The following TXNRD1 variants were observed in gnomAD, a reference collection of about 807,000 sequenced individuals.
TXNRD1 encodes the protein thioredoxin reductase 1, cytoplasmic.
A neutral mutation model predicts 80.3 loss-of-function variants in TXNRD1; 57 were observed. The observed-to-expected ratio is 0.71, with a 90% CI of 0.57 to 0.89. TXNRD1 has a LOEUF of 0.89. TXNRD1 is among the 40% of genes least tolerant of loss of function. TXNRD1 has a pLI of 0.00. For missense variants in TXNRD1, 730 were observed against 803.0 expected (o/e 0.91, Z 1.10); for synonymous variants, 291 against 285.2 (o/e 1.02, Z -0.20).
chr12:104,312,861 G>T (rs1160536852), intron 5 of TXNRD1, among the ~76,000 whole-genome samples: 2 of 152,136 alleles, frequency 1.3e-5, no homozygotes, highest in Non-Finnish European at 2.9e-5. Flanking sequence ...GTTGCATTAA[G>T]GGCTGTAGAC....
chr12:104,324,021 T>C (rs976134414), intron 10 of TXNRD1, among the ~76,000 whole-genome samples: 1 of 152,062 alleles, frequency 6.6e-6, no homozygotes, highest in Non-Finnish European at 1.5e-5. Context: ...GAGGGTACAT[T>C]TTGGACAGAG....
At chr12:104,342,225 CTGA>C (rs1439691332) in intron 16 of TXNRD1, among the ~76,000 whole-genome samples, 1 of 152,144 alleles carries the variant, frequency 6.6e-6, no homozygotes, top group Non-Finnish European at 1.5e-5. Flanking sequence ...AATTCTACCT[CTGA>C]TGACATGGTT....
chr12:104,310,096 G>C (rs1361910337), intron 4 of TXNRD1: 2 of 1,518,002 alleles, frequency 1.3e-6, no homozygotes, highest in Non-Finnish European at 1.8e-6. Context: ...TGCAGTTTGG[G>C]CTGGTAAGTT....
At chr12:104,228,927 G>C (rs1374744490) in intron 1 of TXNRD1, among the ~76,000 whole-genome samples, 1 of 151,770 alleles carries the variant, frequency 6.6e-6, no homozygotes, top group African/African-American at 2.4e-5. Flanking sequence ...CACTGTGTTA[G>C]CCAGGCTGGT....
At position 104,289,033 on chromosome 12, in the gene TXNRD1, C is replaced by A. The variant is rs1373949700; in HGVS notation, c.407C>A (p.Thr136Asn). The stretch of plus-strand genomic sequence containing the variant: ...AGAAAGATAGGCGGCCATGGTCCAA[C>A]CTTGAAGGTAGGAGAGAGTAACGTA... ...KQRKIGGHGP[T>N]LKAYQEGRLQ... The change falls in exon 4 of 17, where the codon ACC becomes AAC. Residue 136 changes from threonine to asparagine, a missense_variant. Coordinates refer to ENST00000525566, the MANE Select transcript of TXNRD1 (RefSeq NM_001093771.3). The A allele has an allele frequency of 6.2e-7, 1 of 1,613,866 alleles. No individual in the cohort carries two copies.
chr12:104,313,684 G>A (rs1203454956), intron 6 of TXNRD1, among the ~76,000 whole-genome samples: 1 of 152,184 alleles, frequency 6.6e-6, no homozygotes, highest in Non-Finnish European at 1.5e-5. Context: ...ATACCCTACT[G>A]TATAGCCCTT....
chr12:104,311,062 T>C (rs1192349080), intron 4 of TXNRD1, among the ~76,000 whole-genome samples: 3 of 152,184 alleles, frequency 2.0e-5, no homozygotes, highest in Non-Finnish European at 4.4e-5. Context: ...ATACGAACAC[T>C]TCAAAGTAGT....
chr12:104,251,042 G>A (rs1293029710), intron 1 of TXNRD1, among the ~76,000 whole-genome samples: 2 of 152,360 alleles, frequency 1.3e-5, no homozygotes, highest in African/African-American at 4.8e-5. Context: ...CTTGCCTGAA[G>A]ATCCTGTGTC....
In TXNRD1 at chr12:104,265,975, AAAT is replaced by A. The variant is rs1202823052; in HGVS notation, c.304+7904_304+7906del. On this transcript the variant is annotated intron_variant, in intron 3 of 16. Coordinates refer to ENST00000525566, the MANE Select transcript of TXNRD1 (RefSeq NM_001093771.3). Reference sequence around the variant, plus strand: ...AATCTTAAAAAAAAAAAAAGAAAAGAAATAATAATAGGTTTTTAAAAATCATTA... The same window carrying A: ...AATCTTAAAAAAAAAAAAAGAAAAGAAATAATAGGTTTTTAAAAATCATTA... 2.3e-5 allele frequency: 14 copies of A among 609,684 alleles called. No homozygotes were observed. In the East Asian group the frequency reaches 3.7e-4, roughly 16 times the overall value. The allele number at this position is 609,684 out of a possible 1,614,324, so 37.8% of individuals were successfully genotyped here. A position where few individuals can be genotyped will look rare whatever the true frequency, so the allele number is the denominator to read the frequency against.
intron 3 of TXNRD1, among the ~76,000 whole-genome samples, chr12:104,272,175 TACAG>T (rs1041843219): frequency 1.3e-5 from 2 of 152,196 alleles, no homozygotes; most frequent in African/African-American, 4.8e-5. Flanking sequence ...GGTGCGCCCT[TACAG>T]ACGGAGCAAT....
intron 16 of TXNRD1, among the ~76,000 whole-genome samples, chr12:104,347,069 TG>T (rs757500224): frequency 2.2e-4 from 34 of 152,280 alleles, no homozygotes; most frequent in Admixed American, 1.6e-3. Flanking sequence ...CACTCCAGCC[TG>T]GGTGACAGAG....
chr12:104,233,046 TA>T (rs1262135891), intron 1 of TXNRD1, among the ~76,000 whole-genome samples: 1 of 152,188 alleles, frequency 6.6e-6, no homozygotes, highest in African/African-American at 2.4e-5. Flanking sequence ...AGGAGAATAA[TA>T]ACATTTCCAA....
intron 3 of TXNRD1, among the ~76,000 whole-genome samples, chr12:104,278,501 AT>A (rs34336501): frequency 0.3 from 31,253 of 104,466 alleles, 4,658 homozygotes; most frequent in African/African-American, 0.46. Flanking sequence ...GCCCAGCCTA[AT>A]TTTTTTTTTT....
chr12:104,286,883 G>A, intron 3 of TXNRD1: 1 of 1,105,404 alleles, frequency 9.0e-7, no homozygotes, highest in African/African-American at 1.6e-5. Context: ...CTCAGCTTAC[G>A]AGGCAATTAG....
At position 104,311,550 on chromosome 12, in the gene TXNRD1, G is replaced by C. The variant is rs1291567711; in HGVS notation, c.537+138G>C. On this transcript the variant is annotated intron_variant, in intron 5 of 16. Coordinates refer to ENST00000525566, the MANE Select transcript of TXNRD1 (RefSeq NM_001093771.3). ...ACATTTTGCACATTAACTTGGGCAG[G>C]ACATGGACATCGTAAGGGACCACTT... 1.8e-5 allele frequency: 20 copies of C among 1,098,298 alleles called. No homozygotes were observed. In the African/African-American group the frequency reaches 3.1e-4, roughly 17 times the overall value. The allele number at this position is 1,098,298 out of a possible 1,614,324, so 68.0% of individuals were successfully genotyped here.
intron 7 of TXNRD1, 74 bp downstream of exon 7, chr12:104,315,970 C>T: frequency 1.3e-6 from 2 of 1,500,216 alleles, no homozygotes; most frequent in Non-Finnish European, 9.0e-7. Context: ...ATGCGTCGTC[C>T]ATTTTCATGA....
chr12:104,346,227 G>A (rs1205817301), intron 16 of TXNRD1: 1 of 212,666 alleles, frequency 4.7e-6, no homozygotes, highest in Non-Finnish European at 9.8e-6. Context: ...TGCCCAGGCT[G>A]GTCTCAAACT....
chr12:104,304,063 G>A (rs2034770908), intron 4 of TXNRD1: 2 of 1,613,770 alleles, frequency 1.2e-6, no homozygotes, highest in Non-Finnish European at 8.5e-7. Context: ...TCCGCAGGCA[G>A]TACCGGCAGC....
At chr12:104,320,275 T>TA (rs2135828891) in intron 9 of TXNRD1, among the ~76,000 whole-genome samples, 1 of 152,364 alleles carries the variant, frequency 6.6e-6, no homozygotes, top group African/African-American at 2.4e-5. Context: ...GATTGTGTTA[T>TA]AAATTACTCT....
Sources: allele counts gnomAD v4.1 joint callset (sites outside exome capture counted in the v4.1 genomes callset), GRCh38; gene constraint gnomAD v4.1.1; transcripts MANE v1.5; gene names NCBI Gene and HGNC (gene_info 2026-07-23, HGNC 2026-07-21).